The following JAKMIP2 variants were observed in gnomAD, a reference collection of about 807,000 sequenced individuals.
JAKMIP2 encodes janus kinase and microtubule-interacting protein 2.
A neutral mutation model predicts 115.0 loss-of-function variants in JAKMIP2; 25 were observed. The ratio of observed to expected loss-of-function variants is 0.22; its 90% CI spans 0.16 to 0.30. The LOEUF is 0.30. Ranked by LOEUF, JAKMIP2 falls within the 10% of genes least tolerant of loss-of-function variation. JAKMIP2 has a pLI of 1.00. For synonymous variants in JAKMIP2, 334 were observed against 343.6 expected (o/e 0.97, Z 0.31); for missense variants, 642 against 957.6 (o/e 0.67, Z 4.35).
At chr5:147,729,505 G>A (rs1191543487) in intron 1 of JAKMIP2, among the ~76,000 whole-genome samples, 2 of 152,088 alleles carry the variant, frequency 1.3e-5, no homozygotes, top group East Asian at 3.9e-4. Flanking sequence ...CAGGAGCTGT[G>A]GTTCACGCCT....
intron 3 of JAKMIP2, 121 bp from the exon 4 acceptor site, chr5:147,650,668 T>C: frequency 1.4e-6 from 1 of 737,804 alleles, no homozygotes; most frequent in Non-Finnish European, 2.2e-6. Context: ...ACGGATTTGA[T>C]AAGTGTATTG....
In JAKMIP2 at chr5:147,587,035, C is replaced by G. The variant is rs1444157941; in HGVS notation, c.*4672G>C. The G allele has an allele frequency of 6.6e-6, 1 of 152,164 alleles. No individual in the cohort carries two copies. The highest frequency in any genetic ancestry group is 2.4e-5 in the African/African-American group (1 of 41,432). 9.4% of individuals were successfully genotyped at this position (152,164 alleles called of 1,614,324 possible). On this transcript the variant is annotated 3_prime_UTR_variant, in exon 22 of 22. Coordinates refer to ENST00000616793, the MANE Select transcript of JAKMIP2 (RefSeq NM_001270941.2). The stretch of plus-strand genomic sequence containing the variant: ...GAGGCCTTACAGGGATTAGCTCCAA[C>G]TTTCCATTATGTCTGTATCTTCTTG...
chr5:147,709,305 T>A (rs1752694202), intron 1 of JAKMIP2, among the ~76,000 whole-genome samples: 1 of 152,230 alleles, frequency 6.6e-6, no homozygotes, highest in African/African-American at 2.4e-5. Context: ...CATGTATTTG[T>A]GTGTGTAAAT....
intron 21 of JAKMIP2, among the ~76,000 whole-genome samples, chr5:147,598,439 T>TCTATCTATCTATCTAC (rs1755515476): frequency 6.6e-6 from 1 of 151,736 alleles, no homozygotes; most frequent in Non-Finnish European, 1.5e-5. Flanking sequence ...TATCTATCTA[T>TCTATCTATCTATCTAC]CTATCTATCT....
intron 1 of JAKMIP2, among the ~76,000 whole-genome samples, chr5:147,722,079 T>C (rs1378386126): frequency 1.3e-5 from 2 of 152,170 alleles, no homozygotes; most frequent in Non-Finnish European, 2.9e-5. Flanking sequence ...ACAAAAGTAT[T>C]TGATGGTGTG....
chr5:147,722,521 C>G (rs1753354283), intron 1 of JAKMIP2, among the ~76,000 whole-genome samples: 1 of 152,118 alleles, frequency 6.6e-6, no homozygotes, highest in Non-Finnish European at 1.5e-5. Context: ...CAAAATGTCA[C>G]AGGCTATAAT....
Position 147,612,346 on chromosome 5 carries a change from G to T in JAKMIP2, c.2372C>A (p.Thr791Lys). 6.4e-7 allele frequency: 1 copy of T among 1,564,904 alleles called. No homozygotes were observed. Among genetic ancestry groups the T allele is most frequent in the Non-Finnish European group, 8.8e-7 (1 of 1,140,584 alleles). The change falls in exon 20 of 22, where the codon ACA becomes AAA. Residue 791 changes from threonine (T) to lysine (K), a missense_variant. Thr to Lys is a moderately conservative substitution (Grantham distance 78). Transcript: ENST00000616793. ...HQRIRDLEDK[T>K]DIQKRQIKDL... The stretch of plus-strand genomic sequence containing the variant: ...TTTTATTTGTCTTTTCTGGATGTCT[G>T]TTTTATCTTCTAAGTCACGAATTCT...
intron 1 of JAKMIP2, among the ~76,000 whole-genome samples, chr5:147,765,016 GAGAC>G (rs1339292173): frequency 4.3e-5 from 4 of 93,852 alleles, no homozygotes; most frequent in African/African-American, 1.8e-4. Flanking sequence ...GAGAGAAAGG[GAGAC>G]AGAGAGAGAG....
intron 1 of JAKMIP2, among the ~76,000 whole-genome samples, chr5:147,739,689 A>T (rs1024737394): frequency 3.3e-5 from 5 of 152,176 alleles, no homozygotes; most frequent in Non-Finnish European, 7.4e-5. Flanking sequence ...TCTCGGTCAC[A>T]CTGTGCCCCT....
At chr5:147,695,675 T>A (rs1231247979) in intron 1 of JAKMIP2, among the ~76,000 whole-genome samples, 4 of 144,098 alleles carry the variant, frequency 2.8e-5, no homozygotes, top group African/African-American at 7.7e-5. Flanking sequence ...TGTGTGTGTG[T>A]GTGAGAGAGA....
rs201528637 is a variant in JAKMIP2, at chr5:147,690,568, T to C, written c.-148-18614A>G. 2.1e-5 allele frequency among the ~76,000 whole-genome samples: 3 copies of C among 141,066 alleles called. No homozygotes were observed. In the East Asian group the frequency reaches 6.5e-4, roughly 31 times the overall value. 92.5% of individuals were successfully genotyped at this position (141,066 alleles called of 152,430 possible). ...ATATATATATATATATATATATATA[T>C]ATATATATATATATATGCACATATG... On this transcript the variant is annotated intron_variant, in intron 1 of 21. Coordinates refer to ENST00000616793, the MANE Select transcript of JAKMIP2 (RefSeq NM_001270941.2).
chr5:147,621,746 G>A (rs1190900284), intron 17 of JAKMIP2, among the ~76,000 whole-genome samples: 1 of 152,144 alleles, frequency 6.6e-6, no homozygotes, highest in African/African-American at 2.4e-5. Flanking sequence ...TAAAATATAA[G>A]CAAATTATAA....
Position 147,782,695 on chromosome 5 carries a change from G to C in JAKMIP2, c.-388C>G. ...AGCAGCAGCAGCAGCATCACCAGTT[G>C]GGCCTCCTCCCTCTCGGAGGATGGG... On this transcript the variant is annotated 5_prime_UTR_variant, in exon 1 of 22. Transcript: ENST00000616793. The C allele has an allele frequency of 1.6e-6, 1 of 618,510 alleles. No individual in the cohort carries two copies. Among genetic ancestry groups the C allele is most frequent in the Non-Finnish European group, 2.9e-6 (1 of 346,188 alleles). 38.3% of individuals were successfully genotyped at this position (618,510 alleles called of 1,614,324 possible). A position where few individuals can be genotyped will look rare whatever the true frequency, so the allele number is the denominator to read the frequency against.
intron 4 of JAKMIP2, among the ~76,000 whole-genome samples, chr5:147,649,829 GA>G (rs1758310258): frequency 6.6e-6 from 1 of 151,972 alleles, no homozygotes. Context: ...GCGCACTTCC[GA>G]AAATAATTTC....
In JAKMIP2 at chr5:147,772,169, G is replaced by GA. The variant is rs917605409; in HGVS notation, c.-149+10286dup. 4.6e-5 allele frequency among the ~76,000 whole-genome samples: 7 copies of GA among 151,956 alleles called. No homozygotes were observed. The South Asian group carries it at 6.2e-4, about 14-fold the overall frequency. ...AAAGTATTAAACATATGTAAATTGT[G>GA]AAAAAAACGCCTTAGTCTACTAATT... is the stretch of plus-strand genomic sequence containing the variant. On this transcript the variant is annotated intron_variant, in intron 1 of 21. Coordinates refer to ENST00000616793, the MANE Select transcript of JAKMIP2 (RefSeq NM_001270941.2).
rs1754874392 is a variant in JAKMIP2 at position 147,586,483 on chromosome 5, TG to T, written c.*5223del. On this transcript the variant is annotated 3_prime_UTR_variant, in exon 22 of 22. Transcript: ENST00000616793. The stretch of plus-strand genomic sequence containing the variant: ...CATCATCCACTCTTTAGTAAGTTCG[TG>T]GGATCTTGATTGTGGGCAAAATTGG... 1 of 152,102 alleles carries T rather than the reference TG, an allele frequency of 6.6e-6. No individual in the cohort carries two copies. The highest frequency in any genetic ancestry group is 1.5e-5 in the Non-Finnish European group (1 of 68,030). 9.4% of individuals were successfully genotyped at this position (152,102 alleles called of 1,614,324 possible). A position where few individuals can be genotyped will look rare whatever the true frequency, so the allele number is the denominator to read the frequency against.
intron 1 of JAKMIP2, among the ~76,000 whole-genome samples, chr5:147,774,181 G>A (rs1321864345): frequency 6.6e-6 from 1 of 152,120 alleles, no homozygotes; most frequent in Non-Finnish European, 1.5e-5. Context: ...ACAGGAAACA[G>A]AGACTGACCC....
chr5:147,674,294 C>T (rs1036129442), intron 1 of JAKMIP2, among the ~76,000 whole-genome samples: 29 of 152,082 alleles, frequency 1.9e-4, no homozygotes, highest in African/African-American at 5.6e-4. Context: ...AAATCTGATC[C>T]GCTTTGGCCA....
intron 3 of JAKMIP2, among the ~76,000 whole-genome samples, chr5:147,651,651 G>T (rs906280096): frequency 6.6e-6 from 1 of 152,054 alleles, no homozygotes; most frequent in African/African-American, 2.4e-5. Flanking sequence ...AACAGAAATG[G>T]TGTTACATAG....
Sources: gnomAD v4.1 joint callset for allele counts (sites outside exome capture counted in the v4.1 genomes callset) on GRCh38, gnomAD v4.1.1 for gene constraint, MANE v1.5 for transcripts, NCBI Gene and HGNC (gene_info 2026-07-23, HGNC 2026-07-21) for gene names.